Variants in ASTN2 observed in about 807,000 individuals in gnomAD.
The protein encoded by ASTN2 is astrotactin-2.
A neutral mutation model predicts 139.8 loss-of-function variants in ASTN2; 54 were observed. The ratio of observed to expected loss-of-function variants is 0.39; its 90% CI spans 0.31 to 0.48. The LOEUF (loss-of-function observed/expected upper bound fraction) is 0.48. ASTN2 is among the 20% of genes least tolerant of loss of function. The probability of loss-of-function intolerance (pLI) is 0.95; values close to 1 mark genes in which losing one functional copy is unlikely to be tolerated. For synonymous variants in ASTN2, 756 were observed against 719.5 expected (o/e 1.05, Z -0.81); for missense variants, 1,565 against 1,725.1 (o/e 0.91, Z 1.64).
At chr9:117,155,585 A>G (rs1830416318) in intron 3 of ASTN2, among the ~76,000 whole-genome samples, 1 of 152,014 alleles carries the variant, frequency 6.6e-6, no homozygotes, top group Non-Finnish European at 1.5e-5. Context: ...AGACTCTGAT[A>G]ACCTCAGAAG....
At chr9:116,781,461 G>T (rs1005647567) in intron 13 of ASTN2, among the ~76,000 whole-genome samples, 1 of 152,106 alleles carries the variant, frequency 6.6e-6, no homozygotes, top group African/African-American at 2.4e-5. Context: ...CTCAGACCTG[G>T]GGGGCAAATG....
At chr9:116,470,605 G>A (rs557154415) in intron 20 of ASTN2, among the ~76,000 whole-genome samples, 334 of 152,290 alleles carry the variant, frequency 2.2e-3, no homozygotes, top group African/African-American at 7.7e-3. Flanking sequence ...TATATTGAAA[G>A]CACTCTTTAT....
At chr9:117,124,855 G>A (rs1390931571) in intron 4 of ASTN2, among the ~76,000 whole-genome samples, 1 of 149,234 alleles carries the variant, frequency 6.7e-6, no homozygotes, top group Non-Finnish European at 1.5e-5. Flanking sequence ...GCCAGGTTCT[G>A]TTACTTTCCA....
At chr9:116,823,845 A>T (rs1458400896) in intron 11 of ASTN2, among the ~76,000 whole-genome samples, 2 of 152,172 alleles carry the variant, frequency 1.3e-5, no homozygotes, top group Admixed American at 1.3e-4. Context: ...TCCTTCCTCT[A>T]TCATGGACTT....
At chr9:116,626,568 G>T (rs1856473734) in intron 17 of ASTN2, among the ~76,000 whole-genome samples, 1 of 152,042 alleles carries the variant, frequency 6.6e-6, no homozygotes, top group African/African-American at 2.4e-5. Flanking sequence ...AAAGGAAATT[G>T]GGGTGGGCTA....
At chr9:117,303,186 G>C (rs544547049) in intron 1 of ASTN2, among the ~76,000 whole-genome samples, 1 of 152,180 alleles carries the variant, frequency 6.6e-6, no homozygotes, top group Non-Finnish European at 1.5e-5. Context: ...AGAGTCTTCT[G>C]GACCAGGAAT....
intron 10 of ASTN2, among the ~76,000 whole-genome samples, chr9:116,961,652 T>C (rs1835878367): frequency 6.6e-6 from 1 of 152,206 alleles, no homozygotes; most frequent in Admixed American, 6.5e-5. Flanking sequence ...GCTATCAGTC[T>C]CATATTCTTT....
intron 1 of ASTN2, among the ~76,000 whole-genome samples, chr9:117,351,163 A>G (rs557261120): frequency 2.6e-5 from 4 of 152,298 alleles, no homozygotes; most frequent in African/African-American, 9.6e-5. Context: ...CTTAAGATAC[A>G]TCCATGATGG....
chr9:117,345,818 A>T (rs1829196836), intron 1 of ASTN2, among the ~76,000 whole-genome samples: 1 of 151,932 alleles, frequency 6.6e-6, no homozygotes, highest in Non-Finnish European at 1.5e-5. Context: ...ACTTTCTTTA[A>T]CCTTTTAACT....
intron 12 of ASTN2, among the ~76,000 whole-genome samples, chr9:116,809,032 T>C (rs1232813972): frequency 6.6e-6 from 1 of 152,148 alleles, no homozygotes; most frequent in Non-Finnish European, 1.5e-5. Flanking sequence ...CAATATTTTC[T>C]GGGTAGTTAT....
At chr9:116,606,445 G>C (rs1855211054) in intron 19 of ASTN2, among the ~76,000 whole-genome samples, 1 of 152,094 alleles carries the variant, frequency 6.6e-6, no homozygotes, top group Non-Finnish European at 1.5e-5. Flanking sequence ...GGGAGAAAGA[G>C]AGAGAGAGAG....
chr9:116,485,957 G>A (rs1403350670), intron 20 of ASTN2, among the ~76,000 whole-genome samples: 2 of 152,232 alleles, frequency 1.3e-5, no homozygotes, highest in Non-Finnish European at 2.9e-5. Flanking sequence ...TTTGAGGTAA[G>A]CAAGGTTCAC....
At chr9:116,582,085 T>C (rs1564132146) in intron 19 of ASTN2, 1 of 152,212 alleles carries the variant, frequency 6.6e-6, no homozygotes, top group African/African-American at 2.4e-5. Flanking sequence ...CCGAGTTTAA[T>C]TGATAATTTC....
chr9:116,851,953 A>G (rs1832620435), intron 11 of ASTN2, among the ~76,000 whole-genome samples: 1 of 152,196 alleles, frequency 6.6e-6, no homozygotes, highest in Non-Finnish European at 1.5e-5. Flanking sequence ...TGCCCCAGAG[A>G]GAATCAAGTT....
intron 4 of ASTN2, among the ~76,000 whole-genome samples, chr9:117,108,368 G>A (rs374799738): frequency 1.3e-5 from 2 of 151,104 alleles, no homozygotes; most frequent in East Asian, 3.9e-4. Flanking sequence ...TTGAATAAAA[G>A]TAAACCATCT....
At chr9:117,347,256 T>G (rs960876745) in intron 1 of ASTN2, among the ~76,000 whole-genome samples, 1 of 151,996 alleles carries the variant, frequency 6.6e-6, no homozygotes, top group African/African-American at 2.4e-5. Flanking sequence ...GAGGTGGGCT[T>G]TTGGAGTGAG....
chr9:116,531,696 C>T (rs535540164), intron 19 of ASTN2, among the ~76,000 whole-genome samples: 1 of 152,266 alleles, frequency 6.6e-6, no homozygotes, highest in East Asian at 1.9e-4. Context: ...GACATGAACT[C>T]ATCCTTTTTT....
chr9:116,897,605 G>A (rs903571474), intron 10 of ASTN2, among the ~76,000 whole-genome samples: 6 of 152,056 alleles, frequency 3.9e-5, no homozygotes, highest in Non-Finnish European at 5.9e-5. Context: ...TTAGGACATC[G>A]CTGAATAAAA....
chr9:117,166,790 T>C (rs558423431), intron 3 of ASTN2, among the ~76,000 whole-genome samples: 10 of 152,224 alleles, frequency 6.6e-5, no homozygotes, highest in African/African-American at 2.4e-4. Flanking sequence ...TTCTTCCCCA[T>C]AGACTGCAAA....
Sources: gnomAD v4.1 joint callset for allele counts (sites outside exome capture counted in the v4.1 genomes callset) on GRCh38, gnomAD v4.1.1 for gene constraint, MANE v1.5 for transcripts, NCBI Gene and HGNC (gene_info 2026-07-23, HGNC 2026-07-21) for gene names.